PRLR: variants seen among roughly 807,000 people sequenced by gnomAD.
The protein encoded by PRLR is hPRL receptor.
In PRLR, 13 loss-of-function variants were observed where a neutral mutation model predicts 40.2. That is an observed-to-expected ratio of 0.32 (90% CI 0.21 to 0.51). The LOEUF is 0.51. Among genes scored for constraint, PRLR ranks in the 20% least tolerant of loss-of-function variants. PRLR has a pLI of 0.97. For synonymous variants in PRLR, 269 were observed against 278.7 expected, an observed-to-expected ratio of 0.97 and a Z score of 0.35; for missense variants, 656 against 747.3, an observed-to-expected ratio of 0.88 and a Z score of 1.42.
chr5:35,195,038 A>AT (rs1280937864), intron 1 of PRLR: 1 of 152,144 alleles, frequency 6.6e-6, no homozygotes, highest in Non-Finnish European at 1.5e-5. Flanking sequence ...TTTCTGTTCA[A>AT]TTTTTCTGTA....
chr5:35,203,081 C>T (rs1308398439), intron 1 of PRLR, among the ~76,000 whole-genome samples: 1 of 152,176 alleles, frequency 6.6e-6, no homozygotes, highest in East Asian at 1.9e-4. Flanking sequence ...CCATAGGACA[C>T]TGGGGAGAAG....
At chr5:35,126,017 G>T (rs1220308854) in intron 1 of PRLR, among the ~76,000 whole-genome samples, 1 of 152,114 alleles carries the variant, frequency 6.6e-6, no homozygotes, top group Non-Finnish European at 1.5e-5. Context: ...TTTCAATCTA[G>T]TTGTCTGTTT....
chr5:35,065,697 G>A lies in PRLR; in HGVS notation c.1261C>T (p.Pro421Ser). The A allele has an allele frequency of 1.2e-6, 2 of 1,614,156 alleles. No homozygotes were observed. The highest frequency in any genetic ancestry group is 1.7e-6 in the Non-Finnish European group (2 of 1,180,014). Residue 421 changes from proline (P) to serine (S), a missense_variant, in exon 10 of 10, where the codon CCC becomes TCC. This residue lies in a region of PRLR where 469 missense variants were observed against 491.5 expected (regional missense o/e 0.95). Transcript: ENST00000618457. ...SKCSTWPLPQ[P>S]SQHNPRSSYH... ...GAGGATCTGGGGTTGTGCTGGCTGG[G>A]CTGTGGTAAGGGCCATGTTGAACAT...
intron 3 of PRLR, 83 bp from the exon 4 acceptor site, chr5:35,086,423 A>C: frequency 6.5e-7 from 1 of 1,531,698 alleles, no homozygotes; most frequent in East Asian, 2.3e-5. Context: ...AAACAGATTG[A>C]TGGACCAAAG....
intron 1 of PRLR, among the ~76,000 whole-genome samples, chr5:35,139,582 G>T (rs1773956026): frequency 6.6e-6 from 1 of 152,114 alleles, no homozygotes; most frequent in Non-Finnish European, 1.5e-5. Context: ...GATTTTCCTA[G>T]AAGACGACAG....
At chr5:35,198,505 C>T (rs937622039) in intron 1 of PRLR, among the ~76,000 whole-genome samples, 1 of 152,186 alleles carries the variant, frequency 6.6e-6, no homozygotes, top group Admixed American at 6.5e-5. Context: ...TTTCCAGTAT[C>T]TTCTCTTTGC....
At chr5:35,075,563 C>A (rs923935488) in intron 5 of PRLR, among the ~76,000 whole-genome samples, 8 of 152,310 alleles carry the variant, frequency 5.3e-5, no homozygotes, top group African/African-American at 1.9e-4. Context: ...GTGGAGCCCA[C>A]CCCAGCTCAA....
At chr5:35,130,647 C>A (rs1486058783) in intron 1 of PRLR, among the ~76,000 whole-genome samples, 2 of 152,122 alleles carry the variant, frequency 1.3e-5, no homozygotes, top group South Asian at 2.1e-4. Context: ...AAAATGGAAA[C>A]CTTCTCATAA....
intron 1 of PRLR, among the ~76,000 whole-genome samples, chr5:35,169,653 G>A (rs1323312658): frequency 6.6e-6 from 1 of 152,146 alleles, no homozygotes; most frequent in Admixed American, 6.5e-5. Flanking sequence ...ATTCTTATGA[G>A]GAAATATCAT....
At chr5:35,084,412 A>T in intron 5 of PRLR, 58 bp downstream of exon 5, 1 of 1,443,576 alleles carries the variant, frequency 6.9e-7, no homozygotes, top group Non-Finnish European at 9.2e-7. Context: ...ACTGAGTGTG[A>T]CTATTGGCTA....
intron 5 of PRLR, 128 bp from the exon 6 acceptor site, chr5:35,072,872 A>C: frequency 9.2e-7 from 1 of 1,082,548 alleles, no homozygotes; most frequent in Non-Finnish European, 1.3e-6. Context: ...TAAGCCCCCC[A>C]AATACCCGGG....
Position 35,064,847 on chromosome 5 carries a change from A to G in PRLR, c.*242T>C. 1 of 508,838 alleles carries G rather than the reference A, an allele frequency of 2.0e-6. No homozygotes were observed. Among genetic ancestry groups the G allele is most frequent in the Non-Finnish European group, 3.5e-6 (1 of 289,730 alleles). The allele number at this position is 508,838 out of a possible 1,614,324, so 31.5% of individuals were successfully genotyped here. Reference sequence around the variant, plus strand: ...ATACTAAGCAGTGTGCTTTTATTTCATTGAACACATAGTTTTATAACTAAC... The same window carrying G: ...ATACTAAGCAGTGTGCTTTTATTTCGTTGAACACATAGTTTTATAACTAAC... On this transcript the variant is annotated 3_prime_UTR_variant, in exon 10 of 10. Transcript: ENST00000618457.
At chr5:35,136,636 C>G (rs577043397) in intron 1 of PRLR, among the ~76,000 whole-genome samples, 173 of 152,260 alleles carry the variant, frequency 1.1e-3, no homozygotes, top group Non-Finnish European at 2.1e-3. Flanking sequence ...ATCTGGTTTC[C>G]CTTCCTTGAG....
At chr5:35,206,193 C>CA (rs1776011011) in intron 1 of PRLR, among the ~76,000 whole-genome samples, 1 of 152,150 alleles carries the variant, frequency 6.6e-6, no homozygotes, top group East Asian at 1.9e-4. Flanking sequence ...CTAATTTGTC[C>CA]ACTGAAGGCA....
In PRLR at chr5:35,066,004, A is replaced by G. The variant is rs779207938; in HGVS notation, c.954T>C (p.Asp318=). 1.1e-5 allele frequency: 18 copies of G among 1,614,066 alleles called. No individual in the cohort carries two copies. Among genetic ancestry groups the G allele is most frequent in the Non-Finnish European group, 1.5e-5 (18 of 1,180,026 alleles). The change falls in exon 10 of 10, where the codon GAT becomes GAC. Residue 318 remains aspartate, a synonymous_variant. Transcript: ENST00000618457. ...ACATTAGATGCTGGTCCTCACTATC[A>G]TCTACTTCTAAATACTCCACCAGCA... is the stretch of plus-strand genomic sequence containing the variant. ...EDLLVEYLEV[D]DSEDQHLMSV... is the part of the protein sequence containing the mutation.
At chr5:35,143,915 A>T (rs1449654638) in intron 1 of PRLR, among the ~76,000 whole-genome samples, 12 of 27,466 alleles carry the variant, frequency 4.4e-4, no homozygotes, top group Non-Finnish European at 7.9e-4. Flanking sequence ...CAAAATTTTT[A>T]AAAAACGACA....
At chr5:35,088,450 A>C (rs1307205925) in intron 3 of PRLR, among the ~76,000 whole-genome samples, 1 of 152,212 alleles carries the variant, frequency 6.6e-6, no homozygotes, top group East Asian at 1.9e-4. Flanking sequence ...TCGGAAGCCA[A>C]TTAGGGTGAT....
intron 1 of PRLR, among the ~76,000 whole-genome samples, chr5:35,157,473 A>G (rs1226090850): frequency 6.6e-6 from 1 of 152,152 alleles, no homozygotes; most frequent in Admixed American, 6.5e-5. Flanking sequence ...TCCTCCCTTA[A>G]CAGAGCAGAG....
At chr5:35,087,422 T>TTGTGTGTGTGTGTGTGTGTGTG in intron 3 of PRLR, among the ~76,000 whole-genome samples, 1 of 140,936 alleles carries the variant, frequency 7.1e-6, no homozygotes, top group African/African-American at 2.7e-5. Flanking sequence ...TCTCTTTCCT[T>TTGTGTGTGTGTGTGTGTGTGTG]TGTGTGTGTG....
Sources: allele counts gnomAD v4.1 joint callset (sites outside exome capture counted in the v4.1 genomes callset), GRCh38; gene constraint gnomAD v4.1.1; regional missense constraint gnomAD v4.1.1; transcripts MANE v1.5; gene names NCBI Gene and HGNC (gene_info 2026-07-23, HGNC 2026-07-21).